The following LRRC61 variants were observed in gnomAD, a reference collection of about 807,000 sequenced individuals.
LRRC61 encodes leucine-rich repeat-containing protein 61.
LRRC61 carries 9 observed loss-of-function variants against 15.1 expected under a neutral mutation model. That is an observed-to-expected ratio of 0.60 (90% CI 0.36 to 1.04). The LOEUF (loss-of-function observed/expected upper bound fraction) is 1.04. Among genes scored for constraint, LRRC61 ranks in the 50% least tolerant of loss-of-function variants. The pLI is 0.01. For missense variants in LRRC61, 344 were observed against 335.6 expected (o/e 1.03, Z -0.20); for synonymous variants, 173 against 158.6 (o/e 1.09, Z -0.68).
chr7:150,314,378 T>C, the LRRC61 span, among the ~76,000 whole-genome samples: 1 of 152,166 alleles, frequency 6.6e-6, no homozygotes, highest in Non-Finnish European at 1.5e-5. Context: ...GTTAGGTCTA[T>C]TGTTTGCACC....
At chr7:150,323,625 C>A (rs1563221144) in intron 1 of LRRC61, 65 bp downstream of exon 1, 1 of 454,746 alleles carries the variant, frequency 2.2e-6, no homozygotes, top group Admixed American at 2.4e-5. Context: ...GTGCCGGCCC[C>A]GGGGGGCCAC....
Position 150,337,916 on chromosome 7 carries a change from G to A in LRRC61, c.*275G>A. ...CTGGGCTGCTCCAGCCTGCAACTTA[G>A]TGGAAGGAATTACTTCCTCCTGAGG... On this transcript the variant is annotated 3_prime_UTR_variant, in exon 3 of 3. Coordinates refer to ENST00000359623, the MANE Select transcript of LRRC61 (RefSeq NM_001142928.2). The A allele has an allele frequency of 1.9e-6, 1 of 532,950 alleles. No individual in the cohort carries two copies. Among genetic ancestry groups the A allele is most frequent in the Non-Finnish European group, 3.4e-6 (1 of 295,300 alleles). 33.0% of individuals were successfully genotyped at this position (532,950 alleles called of 1,614,324 possible). A position where few individuals can be genotyped will look rare whatever the true frequency, so the allele number is the denominator to read the frequency against.
In LRRC61 at chr7:150,337,052, C is replaced by T. The variant is rs200488388; in HGVS notation, c.191C>T (p.Ala64Val). Residue 64 changes from alanine to valine, a missense_variant, in exon 3 of 3, where the codon GCG becomes GTG. By Grantham distance (64) the Ala-to-Val change is moderately conservative. Coordinates refer to ENST00000359623, the MANE Select transcript of LRRC61 (RefSeq NM_001142928.2). ...GAGTGGCTGGACCTATCAGGCAACGCGCTCACCCACCTGGGCCCGCTGGCC... is the reference window on the plus strand; with the variant it reads ...GAGTGGCTGGACCTATCAGGCAACGTGCTCACCCACCTGGGCCCGCTGGCC... ...GLEWLDLSGNALTHLGPLASL... is the reference protein window; with the variant it reads ...GLEWLDLSGNVLTHLGPLASL... The T allele has an allele frequency of 7.4e-6, 12 of 1,613,248 alleles. No individual in the cohort carries two copies. The highest frequency in any genetic ancestry group is 3.3e-4 in the Middle Eastern group (2 of 6,084).
intron 2 of LRRC61, among the ~76,000 whole-genome samples, chr7:150,327,875 A>G (rs1797995791): frequency 6.6e-6 from 1 of 151,518 alleles, no homozygotes; most frequent in Admixed American, 6.6e-5. Context: ...AGTGACTTAG[A>G]TATATACTCA....
chr7:150,312,875 T>C, the LRRC61 span, among the ~76,000 whole-genome samples: 1 of 152,146 alleles, frequency 6.6e-6, no homozygotes, highest in African/African-American at 2.4e-5. Flanking sequence ...CACATATATG[T>C]CCAGATGGCC....
At chr7:150,318,880 T>C (rs1410852964), upstream of LRRC61, among the ~76,000 whole-genome samples, 1 of 152,252 alleles carries the variant, frequency 6.6e-6, no homozygotes. Flanking sequence ...GTGATTCTCA[T>C]GCATTTCACT....
chr7:150,337,932 C>A lies in LRRC61; in HGVS notation c.*291C>A, dbSNP rs897561214. 1 of 501,206 alleles carries A rather than the reference C, an allele frequency of 2.0e-6. No homozygotes were observed. The highest frequency in any genetic ancestry group is 3.7e-5 in the East Asian group (1 of 27,178). 31.0% of individuals were successfully genotyped at this position (501,206 alleles called of 1,614,324 possible). Reference sequence around the variant, plus strand: ...TGCAACTTAGTGGAAGGAATTACTTCCTCCTGAGGCTACAGGCGAGAAAGG... The same window carrying A: ...TGCAACTTAGTGGAAGGAATTACTTACTCCTGAGGCTACAGGCGAGAAAGG... On this transcript the variant is annotated 3_prime_UTR_variant, in exon 3 of 3. Transcript: ENST00000359623.
intron 2 of LRRC61, among the ~76,000 whole-genome samples, chr7:150,326,445 G>A (rs542726439): frequency 6.6e-6 from 1 of 152,264 alleles, no homozygotes; most frequent in Non-Finnish European, 1.5e-5. Flanking sequence ...TACTTTGGGA[G>A]GCTGAGGCAG....
At chr7:150,321,224 C>G (rs1335441994), upstream of LRRC61, among the ~76,000 whole-genome samples, 1 of 152,186 alleles carries the variant, frequency 6.6e-6, no homozygotes. Flanking sequence ...CTCCACCTGT[C>G]CTTGTATTTG....
the LRRC61 span, among the ~76,000 whole-genome samples, chr7:150,313,871 AAAC>A: frequency 2.0e-5 from 3 of 152,218 alleles, no homozygotes; most frequent in East Asian, 5.8e-4. Context: ...GGAAAGCTAA[AAAC>A]AACCTTTCCC....
upstream of LRRC61, among the ~76,000 whole-genome samples, chr7:150,320,063 A>G (rs1283437676): frequency 6.6e-6 from 1 of 152,156 alleles, no homozygotes; most frequent in Non-Finnish European, 1.5e-5. Context: ...GTGTTTCTGG[A>G]TTAACGCTGG....
intron 2 of LRRC61, chr7:150,332,082 T>G (rs1444133964): frequency 6.0e-6 from 1 of 167,102 alleles, no homozygotes; most frequent in Non-Finnish European, 1.5e-5. Flanking sequence ...GGCGGCTGGC[T>G]GCACACCCTG....
At chr7:150,316,371 T>C in the LRRC61 span, among the ~76,000 whole-genome samples, 9 of 152,214 alleles carry the variant, frequency 5.9e-5, no homozygotes, top group African/African-American at 2.2e-4. Context: ...TTTAAATATA[T>C]GTTGATATGT....
Position 150,330,687 on chromosome 7 carries a change from G to A in LRRC61, c.-145+4677G>A, listed in dbSNP as rs764675338. Reference sequence around the variant, plus strand: ...GGCCATCCTGCCATGGGGGCCGACCGACATTGACCACTGGAAGCAAGTCCT... The same window carrying A: ...GGCCATCCTGCCATGGGGGCCGACCAACATTGACCACTGGAAGCAAGTCCT... On this transcript the variant is annotated intron_variant, in intron 2 of 2. Coordinates refer to ENST00000359623, the MANE Select transcript of LRRC61 (RefSeq NM_001142928.2). The surrounding 1 kb of genome is among the most constrained non-coding windows in gnomAD (Gnocchi z 4.6). 7 of 1,457,494 alleles carry A rather than the reference G, an allele frequency of 4.8e-6. No individual in the cohort carries two copies. Among genetic ancestry groups the A allele is most frequent in the East Asian group, 2.3e-5 (1 of 44,162 alleles). The allele number at this position is 1,457,494 out of a possible 1,614,324, so 90.3% of individuals were successfully genotyped here. A position where few individuals can be genotyped will look rare whatever the true frequency, so the allele number is the denominator to read the frequency against.
At chr7:150,312,982 A>G in the LRRC61 span, among the ~76,000 whole-genome samples, 1 of 152,138 alleles carries the variant, frequency 6.6e-6, no homozygotes, top group South Asian at 2.1e-4. Context: ...ATGACATTCC[A>G]CCATTATGAC....
chr7:150,325,091 C>G (rs1394179248), intron 1 of LRRC61, among the ~76,000 whole-genome samples: 1 of 152,194 alleles, frequency 6.6e-6, no homozygotes, highest in Non-Finnish European at 1.5e-5. Flanking sequence ...GAAGATTTGC[C>G]CCAAAATAGC....
chr7:150,337,403 GCTC>G lies in LRRC61; in HGVS notation c.545_547del (p.Ser182del). On this transcript the variant is annotated inframe_deletion, in exon 3 of 3. Transcript: ENST00000359623. Reference sequence around the variant, plus strand: ...TACCAGCTGTGCCGAGACCTGGACAGCTCCTTGCGTCCCAGCTCCAGTCCAGGC... The same window carrying G: ...TACCAGCTGTGCCGAGACCTGGACAGCTTGCGTCCCAGCTCCAGTCCAGGC... 1 of 1,605,682 alleles carries G rather than the reference GCTC, an allele frequency of 6.2e-7. No individual in the cohort carries two copies. Among genetic ancestry groups the G allele is most frequent in the Non-Finnish European group, 8.5e-7 (1 of 1,179,940 alleles).
rs1798341915 is a variant in LRRC61 at position 150,337,462 on chromosome 7, G to C, written c.601G>C (p.Glu201Gln). The change falls in exon 3 of 3, where the codon GAG (glutamate) becomes CAG (glutamine). Residue 201 changes from glutamate (E) to glutamine (Q), a missense_variant. Transcript: ENST00000359623. Reference sequence around the variant, plus strand: ...AGCCACCGAGGCCCAGCCCTGGGTGGAGCCAGGCTACTGGGAGTCCTGGCC... The same window carrying C: ...AGCCACCGAGGCCCAGCCCTGGGTGCAGCCAGGCTACTGGGAGTCCTGGCC... ...PRATEAQPWVEPGYWESWPSR... is the reference protein window; with the variant it reads ...PRATEAQPWVQPGYWESWPSR... The C allele has an allele frequency of 1.2e-6, 2 of 1,603,678 alleles. No individual in the cohort carries two copies.
At chr7:150,318,727 C>A (rs1355491969), upstream of LRRC61, among the ~76,000 whole-genome samples, 1 of 152,198 alleles carries the variant, frequency 6.6e-6, no homozygotes, top group Non-Finnish European at 1.5e-5. Context: ...GCCTGGGTGA[C>A]AGAGTGAGAC....
Sources: allele counts gnomAD v4.1 joint callset (sites outside exome capture counted in the v4.1 genomes callset), GRCh38; gene constraint gnomAD v4.1.1; non-coding constraint Gnocchi (gnomAD v3.1); transcripts MANE v1.5; gene names NCBI Gene and HGNC (gene_info 2026-07-23, HGNC 2026-07-21).